Variants in KPNA6 observed in about 807,000 individuals in gnomAD.
The protein encoded by KPNA6 is karyopherin subunit alpha 6.
KPNA6 carries 9 observed loss-of-function variants against 72.0 expected under a neutral mutation model. The ratio of observed to expected loss-of-function variants is 0.13; its 90% CI spans 0.08 to 0.22. The LOEUF (loss-of-function observed/expected upper bound fraction) is 0.22, where lower values mean the gene tolerates loss of function less well. Ranked by LOEUF, KPNA6 falls within the 10% of genes least tolerant of loss-of-function variation. KPNA6 has a pLI of 1.00. For missense variants in KPNA6, 374 were observed against 655.7 expected, an observed-to-expected ratio of 0.57 and a Z score of 4.69; for synonymous variants, 219 against 242.1, an observed-to-expected ratio of 0.90 and a Z score of 0.89.
chr1:32,124,560 G>A (rs1366393598), intron 1 of KPNA6, among the ~76,000 whole-genome samples: 1 of 149,788 alleles, frequency 6.7e-6, no homozygotes, highest in Non-Finnish European at 1.5e-5. Context: ...AGGCTGGAGT[G>A]CAGTGGCACG....
rs1238129232 is a variant in KPNA6, at chr1:32,134,678, A to G, written c.5-19910A>G. 4.6e-5 allele frequency among the ~76,000 whole-genome samples: 7 copies of G among 151,954 alleles called. No homozygotes were observed. The East Asian group carries it at 9.7e-4, about 21-fold the overall frequency. ...AGTGCTATAAAAAGAATGTACTGAT[A>G]TATGTTAAAACATGGATGAACCTCA... On this transcript the variant is annotated intron_variant, in intron 1 of 13. Coordinates refer to ENST00000373625, the MANE Select transcript of KPNA6 (RefSeq NM_012316.5).
chr1:32,171,797 C>T lies in KPNA6; in HGVS notation c.*903C>T, dbSNP rs1355996950. 1 of 152,178 alleles carries T rather than the reference C, an allele frequency of 6.6e-6. No individual in the cohort carries two copies. Among genetic ancestry groups the T allele is most frequent in the Non-Finnish European group, 1.5e-5 (1 of 68,030 alleles). The allele number at this position is 152,178 out of a possible 1,614,324, so 9.4% of individuals were successfully genotyped here. A position where few individuals can be genotyped will look rare whatever the true frequency, so the allele number is the denominator to read the frequency against. On this transcript the variant is annotated 3_prime_UTR_variant, in exon 14 of 14. Coordinates refer to ENST00000373625, the MANE Select transcript of KPNA6 (RefSeq NM_012316.5). ...TCATTTGTTTACTTGAAAATTCCCC[C>T]TCGAGGTTGAGAGAACCTCTGAGGT...
At chr1:32,143,003 G>A in intron 1 of KPNA6, 1 of 1,289,668 alleles carries the variant, frequency 7.8e-7, no homozygotes, top group Non-Finnish European at 1.0e-6. Context: ...CCCAGGCTCA[G>A]TCATGAAAAG....
chr1:32,124,986 C>A (rs150530587), intron 1 of KPNA6, among the ~76,000 whole-genome samples: 1 of 151,684 alleles, frequency 6.6e-6, no homozygotes, highest in East Asian at 2.0e-4. Flanking sequence ...CCGGGACTAC[C>A]GGCGCATGCC....
intron 1 of KPNA6, among the ~76,000 whole-genome samples, chr1:32,127,184 G>C (rs1641551653): frequency 6.6e-6 from 1 of 152,110 alleles, no homozygotes; most frequent in Non-Finnish European, 1.5e-5. Context: ...TAAGATAGTG[G>C]GTACTTTGCC....
chr1:32,152,663 G>A (rs1276672251), intron 1 of KPNA6, among the ~76,000 whole-genome samples: 2 of 151,940 alleles, frequency 1.3e-5, no homozygotes, highest in African/African-American at 4.8e-5. Flanking sequence ...GGCTAACATG[G>A]TGAAACCCCA....
intron 10 of KPNA6, among the ~76,000 whole-genome samples, 184 bp from the exon 11 acceptor site, chr1:32,165,921 C>T (rs946840978): frequency 4.0e-5 from 6 of 150,806 alleles, no homozygotes; most frequent in Admixed American, 6.6e-5. Flanking sequence ...TCACTTGAAC[C>T]TGGGAGGCGG....
At chr1:32,141,459 G>A (rs1349474508) in intron 1 of KPNA6, among the ~76,000 whole-genome samples, 2 of 131,402 alleles carry the variant, frequency 1.5e-5, no homozygotes, top group South Asian at 2.4e-4. Context: ...GTGCAGTGGC[G>A]CGATCTTGGC....
At chr1:32,153,961 A>T (rs1241933998) in intron 1 of KPNA6, among the ~76,000 whole-genome samples, 1 of 152,194 alleles carries the variant, frequency 6.6e-6, no homozygotes. Context: ...AGCCTGGCCA[A>T]CATGGTGAGA....
intron 12 of KPNA6, among the ~76,000 whole-genome samples, chr1:32,168,037 G>T (rs890030836): frequency 6.6e-6 from 1 of 151,970 alleles, no homozygotes; most frequent in African/African-American, 2.4e-5. Flanking sequence ...TTGTAGTGGC[G>T]TGTGCCCGTG....
chr1:32,108,269 C>G, intron 1 of KPNA6, 135 bp downstream of exon 1: 1 of 1,296,908 alleles, frequency 7.7e-7, no homozygotes, highest in South Asian at 1.2e-5. Flanking sequence ...AAAGTCAGGC[C>G]GGGAGTGCCC....
Position 32,110,056 on chromosome 1 carries a change from A to ATTT in KPNA6, c.4+1943_4+1945dup, listed in dbSNP as rs750004100. Among the ~76,000 whole-genome samples the ATTT allele has an allele frequency of 1.8e-3, 210 of 118,306 alleles. 4 individuals are homozygous for ATTT. Among genetic ancestry groups the ATTT allele is most frequent in the African/African-American group, 5.0e-3 (155 of 30,738 alleles). The allele number at this position is 118,306 out of a possible 152,430, so 77.6% of individuals were successfully genotyped here. A position where few individuals can be genotyped will look rare whatever the true frequency, so the allele number is the denominator to read the frequency against. ...AAGCAAAATGAGAATCTGGAATTGA[A>ATTT]TTTTTTTTTTTTTTTTTTTTTTTCT... On this transcript the variant is annotated intron_variant, in intron 1 of 13. Coordinates refer to ENST00000373625, the MANE Select transcript of KPNA6 (RefSeq NM_012316.5).
intron 1 of KPNA6, among the ~76,000 whole-genome samples, chr1:32,118,762 C>G (rs968890722): frequency 6.6e-6 from 1 of 151,640 alleles, no homozygotes; most frequent in South Asian, 2.1e-4. Context: ...CCATTGTACT[C>G]TAGCCTAGGT....
intron 12 of KPNA6, among the ~76,000 whole-genome samples, chr1:32,169,056 T>C (rs572813779): frequency 3.3e-5 from 5 of 151,816 alleles, no homozygotes; most frequent in African/African-American, 1.2e-4. Flanking sequence ...GGTAGAGAGA[T>C]AGAGAAAGGA....
chr1:32,161,847 A>G, intron 7 of KPNA6, 100 bp from the exon 8 acceptor site: 1 of 831,092 alleles, frequency 1.2e-6, no homozygotes, highest in Non-Finnish European at 2.0e-6. Flanking sequence ...ACAGGCTGCT[A>G]GAGTCTGAGA....
chr1:32,170,068 C>T lies in KPNA6; in HGVS notation c.1423+8C>T. ...TCATAGAGGAAGCCTATGGTATGTGCCCTCTCCTCAATCTAGGTCAGAACC... is the reference window on the plus strand; with the variant it reads ...TCATAGAGGAAGCCTATGGTATGTGTCCTCTCCTCAATCTAGGTCAGAACC... On this transcript the variant is annotated splice_region_variant and intron_variant, in intron 13 of 13. Coordinates refer to ENST00000373625, the MANE Select transcript of KPNA6 (RefSeq NM_012316.5). The T allele has an allele frequency of 6.2e-7, 1 of 1,611,504 alleles. No individual in the cohort carries two copies. Among genetic ancestry groups the T allele is most frequent in the Non-Finnish European group, 8.5e-7 (1 of 1,177,962 alleles).
intron 1 of KPNA6, among the ~76,000 whole-genome samples, chr1:32,118,503 A>T (rs764642134): frequency 1.3e-5 from 2 of 151,910 alleles, no homozygotes; most frequent in African/African-American, 2.4e-5. Context: ...TTATCTTTAA[A>T]ATAGGTATAG....
At chr1:32,118,046 CTGAG>C (rs1641358182) in intron 1 of KPNA6, among the ~76,000 whole-genome samples, 1 of 152,060 alleles carries the variant, frequency 6.6e-6, no homozygotes, top group African/African-American at 2.4e-5. Flanking sequence ...CCTCAGCCTC[CTGAG>C]TAACTGGGAT....
intron 1 of KPNA6, among the ~76,000 whole-genome samples, chr1:32,118,479 A>G (rs932378891): frequency 6.6e-6 from 1 of 151,776 alleles, no homozygotes; most frequent in South Asian, 2.1e-4. Flanking sequence ...CTTACTCTAC[A>G]TAGCCTCATT....
Sources: gnomAD v4.1 joint callset for allele counts (sites outside exome capture counted in the v4.1 genomes callset) on GRCh38, gnomAD v4.1.1 for gene constraint, MANE v1.5 for transcripts, NCBI Gene and HGNC (gene_info 2026-07-23, HGNC 2026-07-21) for gene names.